Variants in RASA3 observed in about 807,000 individuals in gnomAD.
RASA3 encodes the protein RAS p21 protein activator 3.
Under a neutral mutation model 110.0 loss-of-function variants are expected in RASA3, and 73 were observed. The ratio of observed to expected loss-of-function variants is 0.66; its 90% confidence interval spans 0.55 to 0.81. The LOEUF (loss-of-function observed/expected upper bound fraction) is 0.81. Among genes scored for constraint, RASA3 ranks in the 30% least tolerant of loss-of-function variants. The pLI, the probability that RASA3 is intolerant of heterozygous loss-of-function variation, is 0.00. For synonymous variants in RASA3, 500 were observed against 451.4 expected, an observed-to-expected ratio of 1.11 and a Z score of -1.37; for missense variants, 976 against 1,113.2, an observed-to-expected ratio of 0.88 and a Z score of 1.75.
intron 1 of RASA3, among the ~76,000 whole-genome samples, chr13:114,098,247 A>G (rs1266065753): frequency 6.6e-6 from 1 of 152,162 alleles, no homozygotes; most frequent in Admixed American, 6.5e-5. Context: ...AGCAGGAAAA[A>G]AAATCAAACG....
rs2079266336 is a variant in RASA3, at chr13:114,057,586, C to T, written c.174-5431G>A. 1 of 893,266 alleles carries T rather than the reference C, an allele frequency of 1.1e-6. No homozygotes were observed. Among genetic ancestry groups the T allele is most frequent in the Non-Finnish European group, 1.3e-6 (1 of 746,290 alleles). 55.3% of individuals were successfully genotyped at this position (893,266 alleles called of 1,614,324 possible). Reference sequence around the variant, plus strand: ...CCCCCACAGGAAGGAAACCTCTCCCCACAATGACTGTGCACAGAGCCAGCC... The same window carrying T: ...CCCCCACAGGAAGGAAACCTCTCCCTACAATGACTGTGCACAGAGCCAGCC... On this transcript the variant is annotated intron_variant, in intron 2 of 23. Coordinates refer to ENST00000334062, the MANE Select transcript of RASA3 (RefSeq NM_007368.4). This position sits in a 1 kb window ranked among gnomAD's most constrained non-coding sequence, Gnocchi z 5.0.
rs374540477 is a variant in RASA3, at chr13:114,020,269, C to T, written c.785+1135G>A. Among the ~76,000 whole-genome samples, 24 of 151,818 alleles carry T rather than the reference C, an allele frequency of 1.6e-4. No homozygotes were observed. The East Asian group carries it at 3.2e-3, about 20-fold the overall frequency. On this transcript the variant is annotated intron_variant, in intron 9 of 23. Transcript: ENST00000334062. ...CCTGTGTCCGAGGCATTAGCAACCCCGGTCAGGTGGGTGGAGCCTGTGTCT... is the reference window on the plus strand; with the variant it reads ...CCTGTGTCCGAGGCATTAGCAACCCTGGTCAGGTGGGTGGAGCCTGTGTCT...
chr13:114,009,557 C>A, intron 16 of RASA3, 93 bp from the exon 17 acceptor site: 1 of 860,692 alleles, frequency 1.2e-6, no homozygotes, highest in Non-Finnish European at 1.9e-6. Context: ...CTGTCCAAGC[C>A]TAAATGACGA....
chr13:114,098,921 G>A (rs2079983119), intron 1 of RASA3, among the ~76,000 whole-genome samples: 3 of 152,214 alleles, frequency 2.0e-5, no homozygotes, highest in Middle Eastern at 3.4e-3. Context: ...AGGCAGCAAC[G>A]CCCACTGATG....
chr13:114,120,950 G>A (rs996552691), intron 1 of RASA3, among the ~76,000 whole-genome samples: 3 of 152,182 alleles, frequency 2.0e-5, no homozygotes, highest in African/African-American at 7.2e-5. Context: ...GTGCTTCCCC[G>A]AGTGGCACAG....
Position 114,024,337 on chromosome 13 carries a change from A to G in RASA3, c.622T>C (p.Tyr208His). Residue 208 changes from tyrosine (Y) to histidine (H), a missense_variant, in exon 8 of 24, where the codon TAC (tyrosine) becomes CAC (histidine). Physicochemically the swap from Tyr to His is moderately conservative, Grantham distance 83. Coordinates refer to ENST00000334062, the MANE Select transcript of RASA3 (RefSeq NM_007368.4). ...FYFEVTRPCSYSKKSHFDFEE... is the reference protein window; with the variant it reads ...FYFEVTRPCSHSKKSHFDFEE... ...AAGTCAAAGTGGGACTTCTTGCTGT[A>G]GCTACAGGGCCGGGTCACCTGGAGT... The G allele has an allele frequency of 6.2e-7, 1 of 1,613,846 alleles. No homozygotes were observed. Among genetic ancestry groups the G allele is most frequent in the Non-Finnish European group, 8.5e-7 (1 of 1,179,882 alleles).
intron 4 of RASA3, among the ~76,000 whole-genome samples, chr13:114,039,028 C>T (rs1158042418): frequency 1.3e-5 from 2 of 152,254 alleles, no homozygotes; most frequent in African/African-American, 4.8e-5. Context: ...CACGCCATAC[C>T]AGCACGCTTC....
Position 113,999,670 on chromosome 13 carries a change from G to A in RASA3, c.1850-3C>T, listed in dbSNP as rs774143927. On this transcript the variant is annotated splice_region_variant and splice_polypyrimidine_tract_variant and intron_variant, in intron 19 of 23. Coordinates refer to ENST00000334062, the MANE Select transcript of RASA3 (RefSeq NM_007368.4). ...AATGCTGTAGAGAGGCTGGTCCCCT[G>A]CAGCAGAGATGGACTGTCAGTGGGT... is the stretch of plus-strand genomic sequence containing the variant. 6.2e-7 allele frequency: 1 copy of A among 1,612,168 alleles called. No homozygotes were observed. Among genetic ancestry groups the A allele is most frequent in the Non-Finnish European group, 8.5e-7 (1 of 1,179,208 alleles).
At chr13:113,982,927 G>A (rs1477928428) in intron 22 of RASA3, among the ~76,000 whole-genome samples, 1 of 152,184 alleles carries the variant, frequency 6.6e-6, no homozygotes, top group African/African-American at 2.4e-5. Context: ...AGCTTCTCAG[G>A]CCTTCAATCT....
intron 17 of RASA3, among the ~76,000 whole-genome samples, chr13:114,007,899 G>A (rs546532468): frequency 2.0e-5 from 3 of 152,376 alleles, no homozygotes; most frequent in African/African-American, 7.2e-5. Flanking sequence ...GGGAATCTGG[G>A]TCCCGGTAGT....
intron 1 of RASA3, among the ~76,000 whole-genome samples, chr13:114,109,420 C>T (rs2080185428): frequency 6.6e-6 from 1 of 152,270 alleles, no homozygotes; most frequent in African/African-American, 2.4e-5. Flanking sequence ...AGCTCCACTC[C>T]AATCCACACC....
In RASA3 at chr13:114,112,169, TAAAGAG is replaced by T. The variant is rs2080228917; in HGVS notation, c.55+20260_55+20265del. On this transcript the variant is annotated intron_variant, in intron 1 of 23. Transcript: ENST00000334062. The surrounding 1 kb of genome is among the most constrained non-coding windows in gnomAD (Gnocchi z 4.8). ...ATCAGATGGATTTAGTGATAGCAAA[TAAAGAG>T]AAGGAGAACAAAACCCTCAGCCAGG... 8.0e-6 allele frequency among the ~76,000 whole-genome samples: 1 copy of T among 125,392 alleles called. No homozygotes were observed. Among genetic ancestry groups the T allele is most frequent in the African/African-American group, 2.7e-5 (1 of 37,134 alleles). The allele number at this position is 125,392 out of a possible 152,430, so 82.3% of individuals were successfully genotyped here. A position where few individuals can be genotyped will look rare whatever the true frequency, so the allele number is the denominator to read the frequency against.
intron 8 of RASA3, among the ~76,000 whole-genome samples, chr13:114,023,383 TG>T (rs1216675103): frequency 1.3e-5 from 2 of 151,970 alleles, no homozygotes; most frequent in African/African-American, 4.8e-5. Flanking sequence ...CAGGGCCGGC[TG>T]GGGAGGGTCA....
rs1045051573 is a variant in RASA3, at chr13:114,065,360, G to A, written c.173+8360C>T. ...TTTCCCAAACGCTGGGGGGAGCCGG[G>A]AGCTGCCAGGGCTGCCCCAGCCTCG... On this transcript the variant is annotated intron_variant, in intron 2 of 23. Transcript: ENST00000334062. The surrounding 1 kb of genome is among the most constrained non-coding windows in gnomAD (Gnocchi z 4.1). Among the ~76,000 whole-genome samples the A allele has an allele frequency of 1.3e-5, 2 of 152,200 alleles. No individual in the cohort carries two copies. The highest frequency in any genetic ancestry group is 6.5e-5 in the Admixed American group (1 of 15,284).
At chr13:114,063,811 G>A (rs564625820) in intron 2 of RASA3, among the ~76,000 whole-genome samples, 2 of 152,266 alleles carry the variant, frequency 1.3e-5, no homozygotes, top group South Asian at 2.1e-4. Flanking sequence ...CTGGACCAGT[G>A]TCCACCCCCA....
chr13:114,126,678 C>G (rs1296002823), intron 1 of RASA3, among the ~76,000 whole-genome samples: 1 of 152,198 alleles, frequency 6.6e-6, no homozygotes, highest in East Asian at 1.9e-4. Context: ...AAGTCCAGTT[C>G]ATTACAGACG....
intron 1 of RASA3, among the ~76,000 whole-genome samples, chr13:114,129,860 G>A (rs921810324): frequency 6.6e-6 from 1 of 152,228 alleles, no homozygotes. Context: ...CGCTCCTGGA[G>A]ACAAGGCTCA....
rs895507362 is a variant in RASA3, at chr13:113,992,689, A to T, written c.2142-101T>A. The T allele has an allele frequency of 8.8e-5, 81 of 922,900 alleles. 1 individual carries two copies. The Admixed American group carries it at 1.6e-3, about 19-fold the overall frequency. The allele number at this position is 922,900 out of a possible 1,614,324, so 57.2% of individuals were successfully genotyped here. On this transcript the variant is annotated intron_variant, in intron 21 of 23. Transcript: ENST00000334062. Reference sequence around the variant, plus strand: ...AAAATGTCACTGAAGAAAGACAACGATTGTGTTGGAAGTGAAATTCGACAG... The same window carrying T: ...AAAATGTCACTGAAGAAAGACAACGTTTGTGTTGGAAGTGAAATTCGACAG...
chr13:114,021,541 C>G, intron 8 of RASA3, 33 bp from the exon 9 acceptor site: 1 of 1,587,692 alleles, frequency 6.3e-7, no homozygotes, highest in Non-Finnish European at 8.6e-7. Context: ...CTCTAGCTGA[C>G]GGCGGGCAGC....
Sources: gnomAD v4.1 joint callset for allele counts (sites outside exome capture counted in the v4.1 genomes callset) on GRCh38, gnomAD v4.1.1 for gene constraint, Gnocchi (gnomAD v3.1) non-coding constraint, MANE v1.5 for transcripts, NCBI Gene and HGNC (gene_info 2026-07-23, HGNC 2026-07-21) for gene names.